The following CRYBG1 variants were observed in gnomAD, a reference collection of about 807,000 sequenced individuals.
CRYBG1 encodes the protein crystallin beta-gamma domain containing 1.
A neutral mutation model predicts 189.2 loss-of-function variants in CRYBG1; 139 were observed. That is an observed-to-expected ratio of 0.73 (90% CI 0.64 to 0.85). The LOEUF is 0.85. Ranked by LOEUF, CRYBG1 falls within the 40% of genes least tolerant of loss-of-function variation. The pLI is 0.00. For synonymous variants in CRYBG1, 1,023 were observed against 1,017.1 expected (o/e 1.01, Z -0.11); for missense variants, 2,611 against 2,675.8 (o/e 0.98, Z 0.53).
chr6:106,494,479 T>C (rs1010878028), intron 2 of CRYBG1, among the ~76,000 whole-genome samples: 1 of 152,166 alleles, frequency 6.6e-6, no homozygotes, highest in Admixed American at 6.5e-5. Flanking sequence ...AGCAGATGCT[T>C]AATATATGTT....
chr6:106,458,258 G>C (rs1032213936), intron 2 of CRYBG1, among the ~76,000 whole-genome samples: 2 of 152,204 alleles, frequency 1.3e-5, no homozygotes, highest in Non-Finnish European at 1.5e-5. Context: ...GAAGGCTACT[G>C]TTGTTTCCAA....
At chr6:106,563,293 T>C (rs528468305) in intron 20 of CRYBG1, among the ~76,000 whole-genome samples, 1 of 152,318 alleles carries the variant, frequency 6.6e-6, no homozygotes, top group South Asian at 2.1e-4. Context: ...CAAATGCTAA[T>C]AAATGCAATT....
chr6:106,477,324 G>T (rs756071101), intron 2 of CRYBG1, among the ~76,000 whole-genome samples: 88 of 152,290 alleles, frequency 5.8e-4, no homozygotes, highest in Middle Eastern at 3.4e-3. Flanking sequence ...AGGAGGTTTA[G>T]AGGCAGAAGA....
chr6:106,554,155 C>T (rs1334199235), intron 16 of CRYBG1, among the ~76,000 whole-genome samples: 1 of 152,156 alleles, frequency 6.6e-6, no homozygotes. Context: ...CAGGGAAACT[C>T]GGTCAGGAAA....
At chr6:106,399,698 C>A (rs1392727387) in intron 1 of CRYBG1, among the ~76,000 whole-genome samples, 1 of 149,734 alleles carries the variant, frequency 6.7e-6, no homozygotes, top group East Asian at 1.9e-4. Flanking sequence ...ACTCTGTTAC[C>A]TAGCCTGGAG....
Position 106,510,401 on chromosome 6 carries a change from T to G in CRYBG1, c.313-1029T>G, listed in dbSNP as rs1773223140. On this transcript the variant is annotated intron_variant, in intron 2 of 21. Transcript: ENST00000633556. ...ATTGGCGGGTTTGCTTTTATTGGTT[T>G]GTTCTGCGCTCCCTCCCGCCTTCTG... Among the ~76,000 whole-genome samples the G allele has an allele frequency of 4.6e-5, 7 of 152,234 alleles. No individual in the cohort carries two copies. In the South Asian group the frequency reaches 1.4e-3, roughly 31 times the overall value.
chr6:106,475,382 A>G (rs1772314520), intron 2 of CRYBG1, among the ~76,000 whole-genome samples: 1 of 152,224 alleles, frequency 6.6e-6, no homozygotes, highest in South Asian at 2.1e-4. Flanking sequence ...AATCAGTGTT[A>G]CCAGTGATAA....
intron 2 of CRYBG1, among the ~76,000 whole-genome samples, chr6:106,510,759 C>T (rs1773239487): frequency 6.6e-6 from 1 of 152,260 alleles, no homozygotes. Flanking sequence ...CAGGCAAAAG[C>T]CTTTCCGATG....
intron 1 of CRYBG1, among the ~76,000 whole-genome samples, chr6:106,407,836 A>G (rs146260405): frequency 0.018 from 2,705 of 152,298 alleles, 77 homozygotes; most frequent in African/African-American, 0.062. Flanking sequence ...GAAAACAAAG[A>G]CACTATGTAC....
At chr6:106,445,644 A>G (rs1232997378) in intron 1 of CRYBG1, among the ~76,000 whole-genome samples, 1 of 152,216 alleles carries the variant, frequency 6.6e-6, no homozygotes, top group Non-Finnish European at 1.5e-5. Context: ...AGTTTTACCT[A>G]ATTTAATTCT....
At chr6:106,379,483 G>A (rs893106215) in intron 1 of CRYBG1, among the ~76,000 whole-genome samples, 18 of 151,674 alleles carry the variant, frequency 1.2e-4, no homozygotes, top group African/African-American at 2.9e-4. Flanking sequence ...GGATGGTCTC[G>A]ATCTCCTGAC....
chr6:106,564,444 AACATGTGT>A (rs1774818398), intron 21 of CRYBG1, among the ~76,000 whole-genome samples: 1 of 152,268 alleles, frequency 6.6e-6, no homozygotes, highest in African/African-American at 2.4e-5. Context: ...ATTTCAATGC[AACATGTGT>A]TCAATGAAGC....
intron 2 of CRYBG1, among the ~76,000 whole-genome samples, chr6:106,473,570 G>A (rs1772278591): frequency 1.3e-5 from 2 of 152,154 alleles, no homozygotes; most frequent in Admixed American, 6.5e-5. Flanking sequence ...CAAAAAGACA[G>A]GAGACAACAG....
intron 16 of CRYBG1, among the ~76,000 whole-genome samples, 155 bp from the exon 17 acceptor site, chr6:106,555,613 G>A (rs951397920): frequency 6.6e-6 from 1 of 152,170 alleles, no homozygotes; most frequent in East Asian, 1.9e-4. Flanking sequence ...AAGCAGAAAT[G>A]CAATAAATAT....
chr6:106,507,724 A>G (rs1773161831), intron 2 of CRYBG1, among the ~76,000 whole-genome samples: 1 of 152,186 alleles, frequency 6.6e-6, no homozygotes, highest in Non-Finnish European at 1.5e-5. Flanking sequence ...ATGGAAAGAA[A>G]CAATTCCTGG....
chr6:106,510,909 A>G (rs1773243988), intron 2 of CRYBG1, among the ~76,000 whole-genome samples: 1 of 152,080 alleles, frequency 6.6e-6, no homozygotes, highest in South Asian at 2.1e-4. Context: ...TAGATGTTGA[A>G]CCCAGGTGGC....
At chr6:106,430,098 T>C (rs1771297661) in intron 1 of CRYBG1, among the ~76,000 whole-genome samples, 1 of 152,182 alleles carries the variant, frequency 6.6e-6, no homozygotes, top group Non-Finnish European at 1.5e-5. Flanking sequence ...CTATGGATGA[T>C]TTTCATAAGA....
At chr6:106,403,154 G>A (rs1005818439) in intron 1 of CRYBG1, among the ~76,000 whole-genome samples, 2 of 152,080 alleles carry the variant, frequency 1.3e-5, no homozygotes, top group Non-Finnish European at 2.9e-5. Context: ...GGGCAACAAA[G>A]CCAGACGCCT....
chr6:106,429,708 C>T (rs1771290816), intron 1 of CRYBG1, among the ~76,000 whole-genome samples: 1 of 152,130 alleles, frequency 6.6e-6, no homozygotes, highest in Non-Finnish European at 1.5e-5. Flanking sequence ...GACTGTAGGC[C>T]CATTACTTAA....
Sources: gnomAD v4.1 joint callset for allele counts (sites outside exome capture counted in the v4.1 genomes callset) on GRCh38, gnomAD v4.1.1 for gene constraint, MANE v1.5 for transcripts, NCBI Gene and HGNC (gene_info 2026-07-23, HGNC 2026-07-21) for gene names.